PARD3: variants seen among roughly 807,000 people sequenced by gnomAD.
The protein encoded by PARD3 is par-3 family cell polarity regulator.
Under a neutral mutation model 155.4 loss-of-function variants are expected in PARD3, and 75 were observed. The observed-to-expected ratio is 0.48, with a 90% CI of 0.40 to 0.58. The LOEUF is 0.58. Among genes scored for constraint, PARD3 ranks in the 20% least tolerant of loss-of-function variants. The probability of loss-of-function intolerance (pLI) is 0.00; values close to 1 mark genes in which losing one functional copy is unlikely to be tolerated. For missense variants in PARD3, 1,642 were observed against 1,721.7 expected (o/e 0.95, Z 0.82); for synonymous variants, 576 against 610.5 (o/e 0.94, Z 0.83).
chr10:34,620,620 G>A (rs1339440643), intron 2 of PARD3, among the ~76,000 whole-genome samples: 3 of 152,208 alleles, frequency 2.0e-5, no homozygotes. Flanking sequence ...ATTTGTTTCT[G>A]CATTTCTGTT....
chr10:34,788,126 A>G (rs1446642855), intron 1 of PARD3, among the ~76,000 whole-genome samples: 1 of 152,080 alleles, frequency 6.6e-6, no homozygotes, highest in East Asian at 1.9e-4. Context: ...AGGCTCATGC[A>G]AGGGTCTTAC....
chr10:34,140,212 G>A (rs1406569500), intron 22 of PARD3, among the ~76,000 whole-genome samples: 3 of 152,108 alleles, frequency 2.0e-5, no homozygotes, highest in Admixed American at 2.0e-4. Context: ...GACATGGTCA[G>A]GATATGTGTG....
At chr10:34,183,285 C>A (rs1345001850) in intron 22 of PARD3, among the ~76,000 whole-genome samples, 1 of 152,142 alleles carries the variant, frequency 6.6e-6, no homozygotes, top group Non-Finnish European at 1.5e-5. Context: ...TGGAGTGCAG[C>A]GGGGTGATCA....
chr10:34,147,965 C>T (rs1001043441), intron 22 of PARD3, among the ~76,000 whole-genome samples: 1 of 152,092 alleles, frequency 6.6e-6, no homozygotes, highest in Non-Finnish European at 1.5e-5. Flanking sequence ...TCAGCATGAC[C>T]CTTCCCAAGC....
intron 21 of PARD3, among the ~76,000 whole-genome samples, chr10:34,273,823 C>A (rs1382325225): frequency 6.6e-6 from 1 of 152,134 alleles, no homozygotes; most frequent in African/African-American, 2.4e-5. Flanking sequence ...ACCATCACCC[C>A]ACTCTTGGTT....
In PARD3 at chr10:34,622,573, G is replaced by A. The variant is rs563741264; in HGVS notation, c.222+73745C>T. ...TCATTTCAGTGATAAAAATGAGTTT[G>A]TATTTGTAAGCAAGATTATCAATTC... On this transcript the variant is annotated intron_variant, in intron 2 of 24. Coordinates refer to ENST00000374788, the MANE Select transcript of PARD3 (RefSeq NM_001184785.2). Among the ~76,000 whole-genome samples the A allele has an allele frequency of 1.2e-4, 19 of 152,314 alleles. No individual in the cohort carries two copies. The South Asian group carries it at 3.5e-3, about 28-fold the overall frequency.
chr10:34,231,119 A>G (rs1952902973), intron 22 of PARD3, among the ~76,000 whole-genome samples: 3 of 152,028 alleles, frequency 2.0e-5, no homozygotes, highest in Admixed American at 1.3e-4. Flanking sequence ...TCAGTTTGTC[A>G]TATTTGTTTT....
At chr10:34,344,139 A>G in intron 15 of PARD3, 1 of 981,684 alleles carries the variant, frequency 1.0e-6, no homozygotes, top group African/African-American at 1.7e-5. Flanking sequence ...AAAATTATTC[A>G]GCTAAAAAAG....
At chr10:34,261,825 G>GAAACAAAC (rs1159390036) in intron 22 of PARD3, among the ~76,000 whole-genome samples, 17 of 138,994 alleles carry the variant, frequency 1.2e-4, no homozygotes, top group East Asian at 1.1e-3. Context: ...AAGAAAGAAA[G>GAAACAAAC]AAACAAACAA....
chr10:34,747,341 C>A (rs1309505466), intron 1 of PARD3, among the ~76,000 whole-genome samples: 2 of 152,106 alleles, frequency 1.3e-5, no homozygotes, highest in Admixed American at 6.6e-5. Context: ...GGTGGCAATT[C>A]GTTTTCCATG....
intron 5 of PARD3, among the ~76,000 whole-genome samples, chr10:34,417,938 TACA>T (rs1463395125): frequency 6.6e-6 from 1 of 152,274 alleles, no homozygotes; most frequent in African/African-American, 2.4e-5. Flanking sequence ...AAATTAAATA[TACA>T]ACATCTTTTT....
At chr10:34,373,801 G>C (rs1014220519) in intron 11 of PARD3, among the ~76,000 whole-genome samples, 2 of 151,474 alleles carry the variant, frequency 1.3e-5, no homozygotes, top group Non-Finnish European at 2.9e-5. Flanking sequence ...GTGTAACCAG[G>C]GGATAAGATA....
At chr10:34,704,506 G>T (rs902711105) in intron 1 of PARD3, among the ~76,000 whole-genome samples, 2 of 152,174 alleles carry the variant, frequency 1.3e-5, no homozygotes, top group Non-Finnish European at 2.9e-5. Flanking sequence ...ACCTGTGAGT[G>T]GGGGCATAGC....
chr10:34,445,657 A>G (rs956885067), intron 5 of PARD3, among the ~76,000 whole-genome samples: 1 of 152,120 alleles, frequency 6.6e-6, no homozygotes, highest in Non-Finnish European at 1.5e-5. Context: ...CAAAGAATAT[A>G]CTACTTCCTT....
chr10:34,428,486 A>G (rs1244864426), intron 5 of PARD3, among the ~76,000 whole-genome samples: 1 of 152,220 alleles, frequency 6.6e-6, no homozygotes, highest in Non-Finnish European at 1.5e-5. Context: ...TCCCATCTCT[A>G]AAAGAAAAAA....
chr10:34,705,331 T>C (rs77082071), intron 1 of PARD3, among the ~76,000 whole-genome samples: 5 of 152,054 alleles, frequency 3.3e-5, no homozygotes, highest in African/African-American at 1.2e-4. Flanking sequence ...TTATTTTTGG[T>C]TTTTTAATTA....
At chr10:34,239,284 C>T (rs1398383629) in intron 22 of PARD3, among the ~76,000 whole-genome samples, 1 of 152,222 alleles carries the variant, frequency 6.6e-6, no homozygotes, top group Non-Finnish European at 1.5e-5. Flanking sequence ...TGGAGAACAG[C>T]TCTAGGCACG....
intron 3 of PARD3, among the ~76,000 whole-genome samples, chr10:34,511,701 C>T (rs910140536): frequency 2.0e-5 from 3 of 152,088 alleles, no homozygotes; most frequent in Non-Finnish European, 4.4e-5. Context: ...TACAGTGATA[C>T]CACTCATACA....
chr10:34,732,344 A>G (rs1023284208), intron 1 of PARD3, among the ~76,000 whole-genome samples: 3 of 152,000 alleles, frequency 2.0e-5, no homozygotes, highest in African/African-American at 7.2e-5. Context: ...CCCTTTGTCC[A>G]CCCCCACCCA....
Sources: gnomAD v4.1 joint callset for allele counts (sites outside exome capture counted in the v4.1 genomes callset) on GRCh38, gnomAD v4.1.1 for gene constraint, MANE v1.5 for transcripts, NCBI Gene and HGNC (gene_info 2026-07-23, HGNC 2026-07-21) for gene names.